The following SLC8A1 variants were observed in gnomAD, a reference collection of about 807,000 sequenced individuals.
The protein encoded by SLC8A1 is solute carrier family 8 member A1.
A neutral mutation model predicts 68.3 loss-of-function variants in SLC8A1; 18 were observed. That is an observed-to-expected ratio of 0.26 (90% CI 0.18 to 0.39). SLC8A1 has a LOEUF of 0.39. Among genes scored for constraint, SLC8A1 ranks in the 10% least tolerant of loss-of-function variants. The pLI is 1.00. For missense variants in SLC8A1, 985 were observed against 1,156.7 expected (o/e 0.85, Z 2.15); for synonymous variants, 475 against 415.5 (o/e 1.14, Z -1.74).
chr2:40,462,461 T>C (rs1703405730), intron 1 of SLC8A1, among the ~76,000 whole-genome samples: 1 of 151,818 alleles, frequency 6.6e-6, no homozygotes. Flanking sequence ...TCCTGACAAG[T>C]TGGGAATCTT....
At chr2:40,202,802 G>A (rs2054638672) in intron 2 of SLC8A1, among the ~76,000 whole-genome samples, 1 of 151,976 alleles carries the variant, frequency 6.6e-6, no homozygotes. Context: ...CACTGTTCAT[G>A]AATTGCAATT....
At chr2:40,446,026 G>A (rs1701381484) in intron 1 of SLC8A1, among the ~76,000 whole-genome samples, 1 of 152,170 alleles carries the variant, frequency 6.6e-6, no homozygotes, top group South Asian at 2.1e-4. Context: ...GGGTGGCCCT[G>A]GGTCCTGAGC....
intron 2 of SLC8A1, among the ~76,000 whole-genome samples, chr2:40,199,745 TGCTGATTCTACA>T (rs1428661366): frequency 6.6e-6 from 1 of 151,730 alleles, no homozygotes; most frequent in Admixed American, 6.6e-5. Context: ...TTTGACATGT[TGCTGATTCTACA>T]TGATAATTGA....
intron 2 of SLC8A1, among the ~76,000 whole-genome samples, chr2:40,249,462 G>A (rs570840528): frequency 4.6e-5 from 7 of 152,238 alleles, no homozygotes; most frequent in Admixed American, 2.0e-4. Context: ...TCCACTTTCT[G>A]TAATATTTTC....
chr2:40,410,569 TTC>T (rs1691800350), intron 2 of SLC8A1, among the ~76,000 whole-genome samples: 2 of 152,082 alleles, frequency 1.3e-5, no homozygotes, highest in South Asian at 2.1e-4. Context: ...TTAAAATGTA[TTC>T]TTTTATTTTT....
At chr2:40,111,365 G>T (rs1249885437) in exon 8 of SLC8A1, 1 of 152,070 alleles carries the variant, frequency 6.6e-6, no homozygotes, top group Non-Finnish European at 1.5e-5. Context: ...TAAACCAAAG[G>T]CTGGTACTCA....
chr2:40,227,572 G>T lies in SLC8A1; in HGVS notation c.1809-49717C>A, dbSNP rs1327985597. On this transcript the variant is annotated intron_variant, in intron 2 of 7. Coordinates refer to ENST00000406785, the Ensembl canonical transcript of SLC8A1. ...CATACTGGGGTCTTTTGGAGGGTGG[G>T]AAGAGGGAGAGCATCAGGAAAAAAA... Among the ~76,000 whole-genome samples the T allele has an allele frequency of 2.6e-5, 4 of 152,122 alleles. No homozygotes were observed. In the East Asian group the frequency reaches 5.8e-4, roughly 22 times the overall value.
At chr2:40,282,357 GGATCTTTTCAC>G (rs2067651113) in intron 2 of SLC8A1, among the ~76,000 whole-genome samples, 1 of 152,056 alleles carries the variant, frequency 6.6e-6, no homozygotes, top group Non-Finnish European at 1.5e-5. Context: ...ACTAAACGAA[GGATCTTTTCAC>G]ACTCAGCAAG....
intron 2 of SLC8A1, among the ~76,000 whole-genome samples, chr2:40,421,894 T>A (rs564104796): frequency 2.2e-4 from 33 of 152,320 alleles, no homozygotes; most frequent in African/African-American, 7.0e-4. Context: ...GTAGGCAGCA[T>A]GTCGAGCCAG....
At position 40,204,581 on chromosome 2, in the gene SLC8A1, ACT is replaced by A. The variant is rs958609160; in HGVS notation, c.1809-26728_1809-26727del. Among the ~76,000 whole-genome samples, 3 of 151,902 alleles carry A rather than the reference ACT, an allele frequency of 2.0e-5. No individual in the cohort carries two copies. The East Asian group carries it at 5.8e-4, about 30-fold the overall frequency. ...AACATGGATTAGCCCCATTCTAATG[ACT>A]CTATCCCTTTGGCGGAGCTAATGTT... On this transcript the variant is annotated intron_variant, in intron 2 of 7. Coordinates refer to ENST00000406785, the Ensembl canonical transcript of SLC8A1.
chr2:40,313,837 A>G (rs1156838471), intron 2 of SLC8A1, among the ~76,000 whole-genome samples: 1 of 152,024 alleles, frequency 6.6e-6, no homozygotes, highest in East Asian at 1.9e-4. Flanking sequence ...TATTTTCTTT[A>G]GTGAAATATC....
intron 1 of SLC8A1, among the ~76,000 whole-genome samples, chr2:40,431,744 A>C (rs1328065498): frequency 6.6e-6 from 1 of 152,084 alleles, no homozygotes; most frequent in Non-Finnish European, 1.5e-5. Flanking sequence ...ACAGGCTTTC[A>C]TAGCTTCGGG....
chr2:40,156,110 G>A (rs2044418138), intron 6 of SLC8A1, among the ~76,000 whole-genome samples: 1 of 152,218 alleles, frequency 6.6e-6, no homozygotes, highest in South Asian at 2.1e-4. Flanking sequence ...GTTTAGGCAA[G>A]CCAGAGGATG....
intron 2 of SLC8A1, among the ~76,000 whole-genome samples, chr2:40,361,144 G>A (rs1043321262): frequency 6.6e-6 from 1 of 152,108 alleles, no homozygotes; most frequent in South Asian, 2.1e-4. Context: ...TGGCATTCGG[G>A]TGTTAACAGT....
intron 6 of SLC8A1, among the ~76,000 whole-genome samples, chr2:40,145,530 GAAT>G (rs2042299145): frequency 6.6e-6 from 1 of 152,120 alleles, no homozygotes; most frequent in Non-Finnish European, 1.5e-5. Flanking sequence ...TTCTCCTCCA[GAAT>G]TATGACTTTT....
chr2:40,295,885 T>C (rs77846186), intron 2 of SLC8A1, among the ~76,000 whole-genome samples: 2,132 of 152,242 alleles, frequency 0.014, 47 homozygotes, highest in African/African-American at 0.048. Flanking sequence ...CCTTTCTGCG[T>C]ACTTCTGAAA....
chr2:40,427,169 C>G (rs1181146406), intron 2 of SLC8A1, among the ~76,000 whole-genome samples: 1 of 151,968 alleles, frequency 6.6e-6, no homozygotes, highest in Non-Finnish European at 1.5e-5. Flanking sequence ...TGATATTGTA[C>G]TCGACACTAC....
At chr2:40,153,130 T>C (rs937548717) in intron 6 of SLC8A1, among the ~76,000 whole-genome samples, 2 of 152,188 alleles carry the variant, frequency 1.3e-5, no homozygotes, top group Non-Finnish European at 2.9e-5. Flanking sequence ...AATTTAAAGA[T>C]ACCTGTGAAG....
intron 2 of SLC8A1, among the ~76,000 whole-genome samples, chr2:40,294,734 C>G (rs1321996418): frequency 6.6e-6 from 1 of 152,068 alleles, no homozygotes; most frequent in Non-Finnish European, 1.5e-5. Context: ...GTTATGTATG[C>G]CTGGTTTTAT....
Sources: gnomAD v4.1 joint callset for allele counts (sites outside exome capture counted in the v4.1 genomes callset) on GRCh38, gnomAD v4.1.1 for gene constraint, MANE v1.5 for transcripts, NCBI Gene and HGNC (gene_info 2026-07-23, HGNC 2026-07-21) for gene names.